KIF20A: variants seen among roughly 807,000 people sequenced by gnomAD.
KIF20A encodes kinesin-like protein KIF20A.
A neutral mutation model predicts 113.0 loss-of-function variants in KIF20A; 66 were observed. That is an observed-to-expected ratio of 0.58 (90% CI 0.48 to 0.72). KIF20A has a LOEUF of 0.72. Ranked by LOEUF, KIF20A falls within the 30% of genes least tolerant of loss-of-function variation. The probability of loss-of-function intolerance (pLI) is 0.00; values close to 1 mark genes in which losing one functional copy is unlikely to be tolerated. For synonymous variants in KIF20A, 376 were observed against 402.3 expected, an observed-to-expected ratio of 0.93 and a Z score of 0.78; for missense variants, 927 against 1,077.6, an observed-to-expected ratio of 0.86 and a Z score of 1.96.
intron 2 of KIF20A, 91 bp from the exon 3 acceptor site, chr5:138,181,331 T>C (rs1203366207): frequency 9.9e-7 from 1 of 1,007,128 alleles, no homozygotes; most frequent in Non-Finnish European, 1.6e-6. Context: ...GGGGTAGTGT[T>C]ATCATAGTTC....
At chr5:138,186,261 G>GC in intron 17 of KIF20A, 33 bp from the exon 18 acceptor site, 1 of 1,575,602 alleles carries the variant, frequency 6.3e-7, no homozygotes, top group Non-Finnish European at 8.6e-7. Context: ...GTTGCTCTTG[G>GC]CCACAATATG....
In KIF20A at chr5:138,182,899, C is replaced by T. The variant is rs144853219; in HGVS notation, c.741C>T (p.Ile247=). Residue 247 remains isoleucine, a synonymous_variant, in exon 7 of 19, where the codon ATC becomes ATT. Coordinates refer to ENST00000394894, the MANE Select transcript of KIF20A (RefSeq NM_005733.3). Reference sequence around the variant, plus strand: ...CTTCCTTGAAGAGGAGTGTCTACATCGAAAGTCGGATAGGTACCAGCACCA... The same window carrying T: ...CTTCCTTGAAGAGGAGTGTCTACATTGAAAGTCGGATAGGTACCAGCACCA... ...LSTSLKRSVY[I]ESRIGTSTSF... The T allele has an allele frequency of 2.7e-5, 44 of 1,614,146 alleles. No individual in the cohort carries two copies. The highest frequency in any genetic ancestry group is 6.6e-5 in the South Asian group (6 of 91,080).
chr5:138,181,327 G>A, intron 2 of KIF20A, 95 bp from the exon 3 acceptor site: 1 of 939,176 alleles, frequency 1.1e-6, no homozygotes, highest in Non-Finnish European at 1.7e-6. Context: ...AAATGGGGTA[G>A]TGTTATCATA....
At position 138,181,443 on chromosome 5, in the gene KIF20A, G is replaced by A. The variant is rs3734116; in HGVS notation, c.187G>A (p.Glu63Lys). 2.9e-3 allele frequency: 4,700 copies of A among 1,614,194 alleles called. 60 individuals carry two copies. The highest frequency in any genetic ancestry group is 0.024 in the Admixed American group (1,444 of 60,026). The change falls in exon 3 of 19, where the codon GAG (glutamate) becomes AAG (lysine). Residue 63 changes from glutamate (E) to lysine (K), a missense_variant. Physicochemically the swap from Glu to Lys is moderately conservative, Grantham distance 56. Coordinates refer to ENST00000394894, the MANE Select transcript of KIF20A (RefSeq NM_005733.3). Reference sequence around the variant, plus strand: ...ACAGGTTCCATCTGAGGACAGTATGGAGAAGGTGAAAGTATACTTGAGGGT... The same window carrying A: ...ACAGGTTCCATCTGAGGACAGTATGAAGAAGGTGAAAGTATACTTGAGGGT... ...KQQVPSEDSM[E>K]KVKVYLRVRP...
rs374271585 is a variant in KIF20A, at chr5:138,182,625, C to A, written c.554C>A (p.Ala185Glu). 76 of 1,614,190 alleles carry A rather than the reference C, an allele frequency of 4.7e-5. No individual in the cohort carries two copies. In the South Asian group the frequency reaches 8.2e-4, roughly 17 times the overall value. Residue 185 changes from alanine to glutamate, a missense_variant, in exon 6 of 19, where the codon GCG becomes GAG. Physicochemically the swap from Ala to Glu is moderately radical, Grantham distance 107 (BLOSUM62 -1). Transcript: ENST00000394894. ...GGAGGGATTCTCCCCCGGTCCCTGGCGCTGATCTTCAATAGCCTCCAAGGC... is the reference window on the plus strand; with the variant it reads ...GGAGGGATTCTCCCCCGGTCCCTGGAGCTGATCTTCAATAGCCTCCAAGGC... ...KDGGILPRSL[A>E]LIFNSLQGQL...
Position 138,187,667 on chromosome 5 carries a change from T to C in KIF20A, c.*254T>C, listed in dbSNP as rs1166981555. ...TAAAGATATTATTGTTCACATTTTTTATTGAATTCCAAATGTAGCAAAATC... is the reference window on the plus strand; with the variant it reads ...TAAAGATATTATTGTTCACATTTTTCATTGAATTCCAAATGTAGCAAAATC... On this transcript the variant is annotated 3_prime_UTR_variant, in exon 19 of 19. Transcript: ENST00000394894. The C allele has an allele frequency of 6.2e-6, 2 of 324,934 alleles. No homozygotes were observed. The highest frequency in any genetic ancestry group is 1.1e-5 in the Non-Finnish European group (2 of 175,870). 20.1% of individuals were successfully genotyped at this position (324,934 alleles called of 1,614,324 possible).
rs528680686 is a variant in KIF20A, at chr5:138,186,109, C to T, written c.2217+57C>T. The T allele has an allele frequency of 1.6e-4, 242 of 1,532,776 alleles. 1 individual carries two copies. The African/African-American group carries it at 3.0e-3, about 19-fold the overall frequency. The allele number at this position is 1,532,776 out of a possible 1,614,324, so 94.9% of individuals were successfully genotyped here. The stretch of plus-strand genomic sequence containing the variant: ...CTTACCTAAGGCAATTTCCCACATC[C>T]AACACTCTATCACTGGTTCATGTGA... On this transcript the variant is annotated intron_variant, in intron 17 of 18. Coordinates refer to ENST00000394894, the MANE Select transcript of KIF20A (RefSeq NM_005733.3).
Position 138,184,095 on chromosome 5 carries a change from C to A in KIF20A, c.1342C>A (p.Gln448Lys). Residue 448 changes from glutamine (Q) to lysine (K), a missense_variant, in exon 11 of 19, where the codon CAG becomes AAG. By Grantham distance (53) the Gln-to-Lys change is moderately conservative. Transcript: ENST00000394894. ...GRCIAALRQN[Q>K]QNRSKQNLVP... ...CTGTATTGCTGCCCTTCGTCAAAAC[C>A]AGCAGAACCGGTGAGCTTTTGACTA... 6.2e-7 allele frequency: 1 copy of A among 1,614,152 alleles called. No homozygotes were observed. Among genetic ancestry groups the A allele is most frequent in the Non-Finnish European group, 8.5e-7 (1 of 1,180,004 alleles).
Position 138,182,748 on chromosome 5 carries a change from C to T in KIF20A, c.677C>T (p.Ser226Phe), listed in dbSNP as rs1754680923. 1 of 1,613,702 alleles carries T rather than the reference C, an allele frequency of 6.2e-7. No individual in the cohort carries two copies. Reference protein sequence around the residue: ...QIRQEEMKKLSLLNGGLQEEE... With the variant: ...QIRQEEMKKLFLLNGGLQEEE... ...CGACAGGAGGAAATGAAGAAGCTGT[C>T]CCTGCTAAATGGAGGCCTCCAAGAG... The change falls in exon 6 of 19, where the codon TCC (serine) becomes TTC (phenylalanine). Residue 226 changes from serine (S) to phenylalanine (F), a missense_variant. Coordinates refer to ENST00000394894, the MANE Select transcript of KIF20A (RefSeq NM_005733.3).
In KIF20A at chr5:138,186,324, A is replaced by G. The variant is rs1470996370; in HGVS notation, c.2248A>G (p.Lys750Glu). ...NIRLLRTELQKLGESLQSAER... is the reference protein window; with the variant it reads ...NIRLLRTELQELGESLQSAER... ...AAGGCTGTTGCGGACAGAGCTTCAGAAACTTGGTGAGTCTCTCCAATCAGC... is the reference window on the plus strand; with the variant it reads ...AAGGCTGTTGCGGACAGAGCTTCAGGAACTTGGTGAGTCTCTCCAATCAGC... Residue 750 changes from lysine (K) to glutamate (E), a missense_variant, in exon 18 of 19, where the codon AAA becomes GAA. Physicochemically the swap from Lys to Glu is moderately conservative, Grantham distance 56. Coordinates refer to ENST00000394894, the MANE Select transcript of KIF20A (RefSeq NM_005733.3). 1 of 1,597,980 alleles carries G rather than the reference A, an allele frequency of 6.3e-7. No individual in the cohort carries two copies. Among genetic ancestry groups the G allele is most frequent in the Non-Finnish European group, 8.5e-7 (1 of 1,176,494 alleles).
chr5:138,183,025 T>G lies in KIF20A; in HGVS notation c.832+35T>G, dbSNP rs1427426609. On this transcript the variant is annotated intron_variant, in intron 7 of 18. Transcript: ENST00000394894. This position sits in a 1 kb window ranked among gnomAD's most constrained non-coding sequence, Gnocchi z 5.2. ...GTGACTGGGCTCTGCCAAAAAATAG[T>G]AGGAACTCACTCCCTGTTCCTAATA... The G allele has an allele frequency of 6.2e-7, 1 of 1,613,324 alleles. No individual in the cohort carries two copies. Among genetic ancestry groups the G allele is most frequent in the South Asian group, 1.1e-5 (1 of 91,044 alleles).
At chr5:138,186,477 A>G in intron 18 of KIF20A, 46 bp downstream of exon 18, 7 of 1,575,250 alleles carry the variant, frequency 4.4e-6, no homozygotes, top group Non-Finnish European at 4.3e-6. Flanking sequence ...AGCCCACTCC[A>G]GTGTATATGT....
At position 138,187,516 on chromosome 5, in the gene KIF20A, TC is replaced by T; in HGVS notation, c.*105del. The T allele has an allele frequency of 3.2e-6, 3 of 925,114 alleles. No homozygotes were observed. Among genetic ancestry groups the T allele is most frequent in the Admixed American group, 2.9e-5 (1 of 34,216 alleles). The allele number at this position is 925,114 out of a possible 1,614,324, so 57.3% of individuals were successfully genotyped here. A position where few individuals can be genotyped will look rare whatever the true frequency, so the allele number is the denominator to read the frequency against. On this transcript the variant is annotated 3_prime_UTR_variant, in exon 19 of 19. Coordinates refer to ENST00000394894, the MANE Select transcript of KIF20A (RefSeq NM_005733.3). ...GCTTTACCATATATCAGGAATTATA[TC>T]CAGGATGCAATACTCAGACACTAGC... is the stretch of plus-strand genomic sequence containing the variant.
Position 138,186,355 on chromosome 5 carries a change from G to C in KIF20A, c.2279G>C (p.Arg760Thr). ...GGTGAGTCTCTCCAATCAGCAGAGAGAGCTTGTTGCCACAGCACTGGGGCA... is the reference window on the plus strand; with the variant it reads ...GGTGAGTCTCTCCAATCAGCAGAGACAGCTTGTTGCCACAGCACTGGGGCA... ...KLGESLQSAE[R>T]ACCHSTGAGK... The change falls in exon 18 of 19, where the codon AGA becomes ACA. Residue 760 changes from arginine (R) to threonine (T), a missense_variant. Transcript: ENST00000394894. The C allele has an allele frequency of 6.2e-7, 1 of 1,605,710 alleles. No individual in the cohort carries two copies. Among genetic ancestry groups the C allele is most frequent in the Non-Finnish European group, 8.5e-7 (1 of 1,178,212 alleles).
intron 11 of KIF20A, 58 bp from the exon 12 acceptor site, chr5:138,184,181 G>T: frequency 6.2e-7 from 1 of 1,610,772 alleles, no homozygotes; most frequent in Non-Finnish European, 8.5e-7. Flanking sequence ...GATGGTGCTA[G>T]GATACCCAAA....
intron 13 of KIF20A, 44 bp from the exon 14 acceptor site, chr5:138,184,763 G>A (rs2151233627): frequency 1.9e-6 from 3 of 1,612,338 alleles, no homozygotes; most frequent in African/African-American, 2.7e-5. Context: ...TGCCTTCTGA[G>A]GGCATGAGCA....
At position 138,184,866 on chromosome 5, in the gene KIF20A, GC is replaced by G; in HGVS notation, c.1744del (p.Leu582TyrfsTer16). 7.4e-6 allele frequency: 12 copies of G among 1,614,196 alleles called. No homozygotes were observed. The highest frequency in any genetic ancestry group is 1.0e-5 in the Non-Finnish European group (12 of 1,180,024). On this transcript the variant is annotated frameshift_variant, in exon 14 of 19. Transcript: ENST00000394894. LOFTEE classifies it high-confidence loss of function. Reference protein sequence around the residue: ...TLLLKERQEKLQLEMHLRDEI... With the variant: ...TLLLKERQEKXQLEMHLRDEI... ...TGCTTTTGAAGGAACGACAGGAAAA[GC>G]TACAGCTGGAGATGCATCTCCGAGA...
Position 138,186,033 on chromosome 5 carries a change from A to G in KIF20A, c.2198A>G (p.Lys733Arg), listed in dbSNP as rs752673493. Residue 733 changes from lysine to arginine, a missense_variant, in exon 17 of 19, where the codon AAG (lysine) becomes AGG (arginine). Lys to Arg is a conservative substitution (Grantham distance 26). Coordinates refer to ENST00000394894, the MANE Select transcript of KIF20A (RefSeq NM_005733.3). ...AKPFTIDVDK[K>R]LEEGQKNIRL... ...CCCTTCACCATTGATGTGGACAAGAAGTTAGAAGAGGGCCAGAAGGTAATT... is the reference window on the plus strand; with the variant it reads ...CCCTTCACCATTGATGTGGACAAGAGGTTAGAAGAGGGCCAGAAGGTAATT... 2.5e-6 allele frequency: 4 copies of G among 1,614,000 alleles called. No individual in the cohort carries two copies. The East Asian group carries it at 8.9e-5, about 36-fold the overall frequency.
Position 138,187,082 on chromosome 5 carries a change from T to C in KIF20A, c.2356-14T>C. The C allele has an allele frequency of 6.3e-7, 1 of 1,586,280 alleles. No individual in the cohort carries two copies. The highest frequency in any genetic ancestry group is 1.4e-5 in the African/African-American group (1 of 73,790). On this transcript the variant is annotated splice_polypyrimidine_tract_variant and intron_variant, in intron 18 of 18. Coordinates refer to ENST00000394894, the MANE Select transcript of KIF20A (RefSeq NM_005733.3). ...GACAAAAGTGTTTTCTATAACTTTA[T>C]TGATCTTCCTTAGGACCAGACTCTG...
Sources: allele counts gnomAD v4.1 joint callset, GRCh38; gene constraint gnomAD v4.1.1; non-coding constraint Gnocchi (gnomAD v3.1); transcripts MANE v1.5; gene names NCBI Gene and HGNC (gene_info 2026-07-23, HGNC 2026-07-21).